Variants in PARD3 observed in about 807,000 individuals in gnomAD.
The protein encoded by PARD3 is partitioning defective 3 homolog.
Under a neutral mutation model 155.4 loss-of-function variants are expected in PARD3, and 75 were observed. That is an observed-to-expected ratio of 0.48 (90% CI 0.40 to 0.58). The LOEUF is 0.58. Among genes scored for constraint, PARD3 ranks in the 20% least tolerant of loss-of-function variants. PARD3 has a pLI of 0.00. For synonymous variants in PARD3, 576 were observed against 610.5 expected, an observed-to-expected ratio of 0.94 and a Z score of 0.83; for missense variants, 1,642 against 1,721.7, an observed-to-expected ratio of 0.95 and a Z score of 0.82.
At chr10:34,623,195 C>G (rs750755448) in intron 2 of PARD3, among the ~76,000 whole-genome samples, 1 of 152,128 alleles carries the variant, frequency 6.6e-6, no homozygotes, top group Non-Finnish European at 1.5e-5. Context: ...GATACTTTCA[C>G]GGCTGTGTCA....
intron 4 of PARD3, among the ~76,000 whole-genome samples, chr10:34,461,820 T>C (rs1024457786): frequency 2.6e-5 from 4 of 152,194 alleles, no homozygotes; most frequent in African/African-American, 7.2e-5. Flanking sequence ...GGCTTCTGAC[T>C]TTATTCAGGA....
chr10:34,714,915 T>C (rs1425224114), intron 1 of PARD3, among the ~76,000 whole-genome samples: 1 of 150,490 alleles, frequency 6.6e-6, no homozygotes. Flanking sequence ...GCTGGGACTA[T>C]AGGCACGCAC....
rs757778632 is a variant in PARD3, at chr10:34,418,708, T to C, written c.715-16791A>G. 7.9e-4 allele frequency among the ~76,000 whole-genome samples: 120 copies of C among 152,200 alleles called. 2 individuals are homozygous for C. Among genetic ancestry groups the C allele is most frequent in the Non-Finnish European group, 1.2e-3 (85 of 68,042 alleles). ...TCACTGTAGTTGACATAAAAACATT[T>C]GTCTAGTGTGTTCCATTTTCAGAGG... is the stretch of plus-strand genomic sequence containing the variant. On this transcript the variant is annotated intron_variant, in intron 5 of 24. Transcript: ENST00000374788.
At chr10:34,348,159 G>C (rs1837624468) in intron 14 of PARD3, 44 bp from the exon 15 acceptor site, 1 of 1,538,610 alleles carries the variant, frequency 6.5e-7, no homozygotes, top group South Asian at 1.3e-5. Flanking sequence ...TCAGTACCTG[G>C]AGGCCAATTA....
At chr10:34,260,714 T>A (rs1954911710) in intron 22 of PARD3, among the ~76,000 whole-genome samples, 1 of 152,200 alleles carries the variant, frequency 6.6e-6, no homozygotes, top group Admixed American at 6.5e-5. Flanking sequence ...CCTTCGAGAA[T>A]TACTTTCTCA....
At chr10:34,595,032 G>C (rs931449210) in intron 2 of PARD3, among the ~76,000 whole-genome samples, 2 of 152,242 alleles carry the variant, frequency 1.3e-5, no homozygotes, top group East Asian at 3.9e-4. Context: ...TGTAGCAAAG[G>C]ACTGTTATAA....
chr10:34,190,211 T>C (rs1950646888), intron 22 of PARD3, among the ~76,000 whole-genome samples: 1 of 152,202 alleles, frequency 6.6e-6, no homozygotes, highest in Non-Finnish European at 1.5e-5. Context: ...CAGAAAAATA[T>C]CTGCAATTAG....
In PARD3 at chr10:34,559,897, G is replaced by A. The variant is rs142855892; in HGVS notation, c.223-42738C>T. Among the ~76,000 whole-genome samples, 364 of 152,266 alleles carry A rather than the reference G, an allele frequency of 2.4e-3. 1 individual carries two copies. Among genetic ancestry groups the A allele is most frequent in the Non-Finnish European group, 3.4e-3 (234 of 68,028 alleles). ...AATGTGTGTTAGTTAAAATGATCCC[G>A]GGAGATGAACTGAGATCGTTCACAT... is the stretch of plus-strand genomic sequence containing the variant. On this transcript the variant is annotated intron_variant, in intron 2 of 24. Transcript: ENST00000374788.
At chr10:34,521,121 A>C (rs2082117441) in intron 2 of PARD3, among the ~76,000 whole-genome samples, 1 of 152,216 alleles carries the variant, frequency 6.6e-6, no homozygotes, top group Admixed American at 6.5e-5. Context: ...AAGTCTTTAA[A>C]TGCCACATGA....
intron 21 of PARD3, among the ~76,000 whole-genome samples, chr10:34,270,873 T>C (rs187013316): frequency 6.6e-6 from 1 of 152,314 alleles, no homozygotes; most frequent in East Asian, 1.9e-4. Flanking sequence ...TCACCTTTAC[T>C]GAAGTTACGT....
chr10:34,580,607 G>A (rs1442225571), intron 2 of PARD3, among the ~76,000 whole-genome samples: 3 of 152,192 alleles, frequency 2.0e-5, no homozygotes, highest in African/African-American at 7.2e-5. Flanking sequence ...ACAGAAAACT[G>A]TAAGTTATCT....
chr10:34,180,495 T>G (rs896743565), intron 22 of PARD3, among the ~76,000 whole-genome samples: 1 of 152,174 alleles, frequency 6.6e-6, no homozygotes, highest in Non-Finnish European at 1.5e-5. Flanking sequence ...TTGAGTGGGT[T>G]TGAGACACCA....
chr10:34,631,288 CA>C (rs1463978513), intron 2 of PARD3, among the ~76,000 whole-genome samples: 3 of 152,138 alleles, frequency 2.0e-5, no homozygotes, highest in African/African-American at 7.2e-5. Flanking sequence ...TACAAAAACA[CA>C]ATCACATACG....
intron 5 of PARD3, among the ~76,000 whole-genome samples, chr10:34,435,896 T>C (rs1221736784): frequency 1.3e-5 from 2 of 152,186 alleles, no homozygotes; most frequent in Admixed American, 1.3e-4. Flanking sequence ...AAGAAGCACT[T>C]AGTGAACTAC....
chr10:34,403,729 C>T (rs1844145711), intron 5 of PARD3, among the ~76,000 whole-genome samples: 1 of 152,144 alleles, frequency 6.6e-6, no homozygotes, highest in South Asian at 2.1e-4. Flanking sequence ...GCACATAATA[C>T]ATTTCAAAGG....
At chr10:34,546,576 C>T (rs2084086026) in intron 2 of PARD3, among the ~76,000 whole-genome samples, 1 of 151,560 alleles carries the variant, frequency 6.6e-6, no homozygotes, top group Non-Finnish European at 1.5e-5. Context: ...CTCACTGTCA[C>T]CCGGGCTGGC....
chr10:34,552,114 AT>A (rs2084627150), intron 2 of PARD3, among the ~76,000 whole-genome samples: 1 of 152,132 alleles, frequency 6.6e-6, no homozygotes, highest in South Asian at 2.1e-4. Context: ...TTCAAAAAAA[AT>A]CATCATTTAT....
intron 2 of PARD3, among the ~76,000 whole-genome samples, chr10:34,614,850 A>G (rs1844207070): frequency 1.3e-5 from 2 of 152,138 alleles, no homozygotes; most frequent in African/African-American, 4.8e-5. Flanking sequence ...AACAAAATAA[A>G]CGAAGCTAGA....
intron 22 of PARD3, among the ~76,000 whole-genome samples, chr10:34,192,900 G>T (rs1044295882): frequency 6.6e-6 from 1 of 152,168 alleles, no homozygotes; most frequent in Non-Finnish European, 1.5e-5. Flanking sequence ...GCCTCTCTAA[G>T]TCTGTTTTTG....
Sources: allele counts gnomAD v4.1 joint callset (sites outside exome capture counted in the v4.1 genomes callset), GRCh38; gene constraint gnomAD v4.1.1; transcripts MANE v1.5; gene names NCBI Gene and HGNC (gene_info 2026-07-23, HGNC 2026-07-21).